SAMD5: variants seen among roughly 807,000 people sequenced by gnomAD.
SAMD5 encodes sterile alpha motif domain-containing protein 5.
In SAMD5, 13 loss-of-function variants were observed where a neutral mutation model predicts 11.3. The ratio of observed to expected loss-of-function variants is 1.15; its 90% CI spans 0.75 to 1.83. SAMD5 has a LOEUF of 1.83. SAMD5 is among the 40% of genes most tolerant of loss of function. The pLI, the probability that SAMD5 is intolerant of heterozygous loss-of-function variation, is 0.00. For synonymous variants in SAMD5, 129 were observed against 111.3 expected (o/e 1.16, Z -1.00); for missense variants, 255 against 239.1 (o/e 1.07, Z -0.44).
At chr6:147,583,688 T>C (rs1358901368) in intron 1 of SAMD5, among the ~76,000 whole-genome samples, 1 of 152,160 alleles carries the variant, frequency 6.6e-6, no homozygotes, top group Non-Finnish European at 1.5e-5. Context: ...AAAATACTCA[T>C]CAACTACTTT....
the SAMD5 span, among the ~76,000 whole-genome samples, chr6:147,801,399 T>C: frequency 6.6e-6 from 1 of 151,764 alleles, no homozygotes; most frequent in Non-Finnish European, 1.5e-5. Context: ...GTGGTAGAGA[T>C]GAAAATAAAA....
intron 1 of SAMD5, among the ~76,000 whole-genome samples, chr6:147,608,227 G>T (rs1343220844): frequency 6.6e-6 from 1 of 152,154 alleles, no homozygotes; most frequent in Non-Finnish European, 1.5e-5. Context: ...AGAGCAGTTT[G>T]GAAGTTCCTC....
At chr6:147,715,714 T>G (rs1394857910) in intron 1 of SAMD5, among the ~76,000 whole-genome samples, 2 of 151,958 alleles carry the variant, frequency 1.3e-5, no homozygotes, top group African/African-American at 4.8e-5. Context: ...GGAGAGTGAG[T>G]AAGATGATGA....
chr6:147,614,589 G>A (rs1056788611), intron 1 of SAMD5, among the ~76,000 whole-genome samples: 1 of 151,944 alleles, frequency 6.6e-6, no homozygotes, highest in African/African-American at 2.4e-5. Flanking sequence ...AAACTCATAT[G>A]ATCCCATGTC....
At chr6:147,700,258 T>C (rs1298660204) in intron 1 of SAMD5, among the ~76,000 whole-genome samples, 1 of 152,206 alleles carries the variant, frequency 6.6e-6, no homozygotes, top group African/African-American at 2.4e-5. Flanking sequence ...CATCCTGCCT[T>C]GCGTGATCCT....
chr6:147,954,421 T>A, the SAMD5 span, among the ~76,000 whole-genome samples: 16 of 152,260 alleles, frequency 1.1e-4, no homozygotes, highest in South Asian at 3.3e-3. Context: ...AAATTTCTTA[T>A]CTCCTAGTGA....
At chr6:147,512,593 G>GA (rs1220892407) in intron 1 of SAMD5, among the ~76,000 whole-genome samples, 1 of 152,094 alleles carries the variant, frequency 6.6e-6, no homozygotes, top group Non-Finnish European at 1.5e-5. Context: ...CTATAGCTTT[G>GA]AAAAAACAGG....
Position 147,584,971 on chromosome 6 carries a change from T to C in SAMD5, c.162+75584T>C, listed in dbSNP as rs371094663. On this transcript the variant is annotated intron_variant, in intron 1 of 1. Coordinates refer to the SAMD5 transcript ENST00000566741. The stretch of plus-strand genomic sequence containing the variant: ...ACCAATGGTCCTTAATACTTCAGGA[T>C]GCCTAAATGTATGAGTATACTAGAA... Among the ~76,000 whole-genome samples, 9 of 152,270 alleles carry C rather than the reference T, an allele frequency of 5.9e-5. No homozygotes were observed. The East Asian group carries it at 1.5e-3, about 26-fold the overall frequency.
intron 1 of SAMD5, among the ~76,000 whole-genome samples, chr6:147,643,034 A>ATTT (rs1485799555): frequency 2.6e-5 from 4 of 152,186 alleles, no homozygotes. Context: ...ACACTGTAAT[A>ATTT]ACAATTTTAT....
At chr6:147,935,521 T>C in the SAMD5 span, among the ~76,000 whole-genome samples, 1 of 152,184 alleles carries the variant, frequency 6.6e-6, no homozygotes, top group Non-Finnish European at 1.5e-5. Context: ...CAGAATATAA[T>C]TCACACTTAA....
At chr6:147,532,055 T>A (rs1788438641) in intron 1 of SAMD5, among the ~76,000 whole-genome samples, 1 of 152,092 alleles carries the variant, frequency 6.6e-6, no homozygotes, top group African/African-American at 2.4e-5. Context: ...AGAAAACAAA[T>A]GTTTGTCTCT....
chr6:147,627,847 T>C (rs1267238946), intron 1 of SAMD5, among the ~76,000 whole-genome samples: 1 of 152,008 alleles, frequency 6.6e-6, no homozygotes, highest in Non-Finnish European at 1.5e-5. Flanking sequence ...TTTATTAGAG[T>C]TTTAAAAATA....
chr6:147,633,948 C>A (rs1328255283), intron 1 of SAMD5, among the ~76,000 whole-genome samples: 1 of 152,078 alleles, frequency 6.6e-6, no homozygotes, highest in East Asian at 1.9e-4. Context: ...CACCTCTATC[C>A]TTTAGCAGTC....
chr6:147,541,509 C>G (rs891407339), intron 1 of SAMD5, among the ~76,000 whole-genome samples: 1 of 152,118 alleles, frequency 6.6e-6, no homozygotes, highest in Non-Finnish European at 1.5e-5. Flanking sequence ...GACCTCCAAA[C>G]GGTAATTCAC....
intron 1 of SAMD5, among the ~76,000 whole-genome samples, chr6:147,602,251 T>C (rs1339932731): frequency 6.6e-6 from 1 of 152,232 alleles, no homozygotes; most frequent in African/African-American, 2.4e-5. Context: ...CATAACATTT[T>C]CAATTCTAAA....
the SAMD5 span, among the ~76,000 whole-genome samples, chr6:147,804,797 C>T: frequency 6.6e-6 from 1 of 152,164 alleles, no homozygotes; most frequent in East Asian, 1.9e-4. Flanking sequence ...TATTAAGCTG[C>T]TTTGCCAGCT....
At chr6:147,766,915 T>C in the SAMD5 span, among the ~76,000 whole-genome samples, 1 of 152,160 alleles carries the variant, frequency 6.6e-6, no homozygotes, top group Non-Finnish European at 1.5e-5. Flanking sequence ...TCCATTGACA[T>C]ATTGGGAGAA....
At chr6:147,587,627 A>T (rs1281961023) in intron 1 of SAMD5, among the ~76,000 whole-genome samples, 1 of 152,132 alleles carries the variant, frequency 6.6e-6, no homozygotes, top group African/African-American at 2.4e-5. Flanking sequence ...CAGTTGAGAG[A>T]TCATCTACTC....
chr6:147,528,192 G>A (rs767497913), intron 1 of SAMD5, among the ~76,000 whole-genome samples: 1 of 152,244 alleles, frequency 6.6e-6, no homozygotes, highest in Non-Finnish European at 1.5e-5. Context: ...CTCAGGAACC[G>A]GATAAACCAG....
Sources: gnomAD v4.1 joint callset for allele counts (sites outside exome capture counted in the v4.1 genomes callset) on GRCh38, gnomAD v4.1.1 for gene constraint, MANE v1.5 for transcripts, NCBI Gene and HGNC (gene_info 2026-07-23, HGNC 2026-07-21) for gene names.